The following STRN4 variants were observed in gnomAD, a reference collection of about 807,000 sequenced individuals.
STRN4 encodes the protein striatin-4.
A neutral mutation model predicts 77.9 loss-of-function variants in STRN4; 27 were observed. The observed-to-expected ratio is 0.35, with a 90% CI of 0.26 to 0.48. The LOEUF is 0.48. Among genes scored for constraint, STRN4 ranks in the 20% least tolerant of loss-of-function variants. The pLI is 0.99. For missense variants in STRN4, 798 were observed against 1,049.7 expected, an observed-to-expected ratio of 0.76 and a Z score of 3.31; for synonymous variants, 466 against 443.1, an observed-to-expected ratio of 1.05 and a Z score of -0.65.
rs1486730613 is a variant in STRN4 at position 46,736,767 on chromosome 19, A to C, written c.539+56T>G. On this transcript the variant is annotated intron_variant, in intron 4 of 17. Transcript: ENST00000263280. ...AAAGGACTGTGGAGTCTTTGGACTT[A>C]TCTCTCAAGCCAAACGTGTCACGTG... 1.9e-5 allele frequency: 30 copies of C among 1,560,848 alleles called. No individual in the cohort carries two copies. The South Asian group carries it at 3.0e-4, about 16-fold the overall frequency.
Position 46,725,459 on chromosome 19 carries a change from C to A in STRN4, c.1424+14G>T. On this transcript the variant is annotated intron_variant, in intron 10 of 17. Coordinates refer to ENST00000263280, the MANE Select transcript of STRN4 (RefSeq NM_013403.3). ...AGATGCCCCTGCCCCCGGCTCTGAG[C>A]TTGCTGCCCTCACTTCTTGGCCGTG... 1 of 1,613,808 alleles carries A rather than the reference C, an allele frequency of 6.2e-7. No individual in the cohort carries two copies. The highest frequency in any genetic ancestry group is 8.5e-7 in the Non-Finnish European group (1 of 1,179,882).
Position 46,730,725 on chromosome 19 carries a change from G to A in STRN4, c.879+7C>T, listed in dbSNP as rs1352469910. 5 of 1,611,208 alleles carry A rather than the reference G, an allele frequency of 3.1e-6. No homozygotes were observed. The highest frequency in any genetic ancestry group is 8.5e-7 in the Non-Finnish European group (1 of 1,179,938). On this transcript the variant is annotated splice_region_variant and intron_variant, in intron 6 of 17. Transcript: ENST00000263280. ...CAGGCTGTGCAGGGCATGGAGGAAGGGCTCACCTTCACACGCTGCTTCTTG... is the reference window on the plus strand; with the variant it reads ...CAGGCTGTGCAGGGCATGGAGGAAGAGCTCACCTTCACACGCTGCTTCTTG...
intron 5 of STRN4, chr19:46,732,587 G>A (rs1045828041): frequency 6.1e-6 from 1 of 162,956 alleles, no homozygotes. Context: ...CCCTGCAGAG[G>A]AGCACATATT....
intron 17 of STRN4, 66 bp downstream of exon 17, chr19:46,720,470 T>C: frequency 8.8e-7 from 1 of 1,136,768 alleles, no homozygotes; most frequent in Non-Finnish European, 1.2e-6. Context: ...ACTGCGGGGC[T>C]CAGCACACCT....
At position 46,719,685 on chromosome 19, in the gene STRN4, A is replaced by C. The variant is rs1237353564; in HGVS notation, c.*720T>G. 1 of 152,290 alleles carries C rather than the reference A, an allele frequency of 6.6e-6. No homozygotes were observed. The highest frequency in any genetic ancestry group is 1.5e-5 in the Non-Finnish European group (1 of 67,980). 9.4% of individuals were successfully genotyped at this position (152,290 alleles called of 1,614,324 possible). ...AGGGAGGAGACTGACTGAGACCATC[A>C]CACAGTGATAATGCGGGTGGGGCGG... On this transcript the variant is annotated 3_prime_UTR_variant, in exon 18 of 18. Coordinates refer to ENST00000263280, the MANE Select transcript of STRN4 (RefSeq NM_013403.3).
At chr19:46,727,407 C>T (rs749979686) in intron 9 of STRN4, 45 bp downstream of exon 9, 10 of 1,534,284 alleles carry the variant, frequency 6.5e-6, no homozygotes, top group South Asian at 2.3e-5. Context: ...TGGCCCTGGG[C>T]GCAATGCCAA....
chr19:46,732,957 C>T (rs1424668577), intron 5 of STRN4, 82 bp downstream of exon 5: 11 of 1,502,270 alleles, frequency 7.3e-6, no homozygotes, highest in Admixed American at 2.0e-5. Flanking sequence ...GCACCCAGCG[C>T]CATCAGCTGA....
chr19:46,734,700 T>C (rs1480239295), intron 4 of STRN4, among the ~76,000 whole-genome samples: 1 of 152,220 alleles, frequency 6.6e-6, no homozygotes, highest in African/African-American at 2.4e-5. Context: ...ACTCTTGCTC[T>C]GTCGCCCAGG....
rs375679721 is a variant in STRN4 at position 46,733,024 on chromosome 19, T to C, written c.737+15A>G. ...GAGGAACAGAGAGACACACCTGCCA[T>C]GTCCACGGGCTCACCTCTTTATCTG... On this transcript the variant is annotated intron_variant, in intron 5 of 17. Transcript: ENST00000263280. The surrounding 1 kb of genome is among the most constrained non-coding windows in gnomAD (Gnocchi z 4.3). 1.7e-5 allele frequency: 27 copies of C among 1,600,062 alleles called. No homozygotes were observed. In the Middle Eastern group the frequency reaches 5.0e-4, roughly 29 times the overall value.
rs186271289 is a variant in STRN4 at position 46,725,787 on chromosome 19, C to T, written c.1249-139G>A. 6.6e-5 allele frequency: 72 copies of T among 1,096,164 alleles called. No homozygotes were observed. In the East Asian group the frequency reaches 1.4e-3, roughly 22 times the overall value. The allele number at this position is 1,096,164 out of a possible 1,614,324, so 67.9% of individuals were successfully genotyped here. On this transcript the variant is annotated intron_variant, in intron 9 of 17. Coordinates refer to ENST00000263280, the MANE Select transcript of STRN4 (RefSeq NM_013403.3). ...ATGCCCTCAGAGCCTGGGCTCCAGC[C>T]GGGAACTCTCCCCTTCCTCTGCTGG...
At position 46,746,239 on chromosome 19, in the gene STRN4, G is replaced by A. The variant is rs2054605307; in HGVS notation, c.192C>T (p.Ser64=). The A allele has an allele frequency of 6.6e-7, 1 of 1,511,570 alleles. No homozygotes were observed. The highest frequency in any genetic ancestry group is 8.8e-7 in the Non-Finnish European group (1 of 1,138,346). 93.6% of individuals were successfully genotyped at this position (1,511,570 alleles called of 1,614,324 possible). A position where few individuals can be genotyped will look rare whatever the true frequency, so the allele number is the denominator to read the frequency against. The change falls in exon 1 of 18, where the codon AGC becomes AGT. Residue 64 remains serine (S), a synonymous_variant. Transcript: ENST00000263280. Reference sequence around the variant, plus strand: ...GGATAAAGTGCAGGATCCCCGGCAGGCTCAGGGGCTCCGGGCCCGCCGTGG... The same window carrying A: ...GGATAAAGTGCAGGATCCCCGGCAGACTCAGGGGCTCCGGGCCCGCCGTGG... ...PGPTAGPEPL[S]LPGILHFIQH...
At chr19:46,727,392 G>T in intron 9 of STRN4, 60 bp downstream of exon 9, 1 of 1,450,942 alleles carries the variant, frequency 6.9e-7, no homozygotes, top group East Asian at 2.4e-5. Context: ...AGAGCTTGCA[G>T]GGGCTGGCCC....
intron 4 of STRN4, among the ~76,000 whole-genome samples, chr19:46,734,323 G>C (rs148290012): frequency 1.3e-5 from 2 of 152,334 alleles, no homozygotes; most frequent in African/African-American, 2.4e-5. Context: ...TGCCAGGCAC[G>C]TAATAGGTAC....
chr19:46,730,304 G>A (rs2054218580), intron 6 of STRN4, among the ~76,000 whole-genome samples: 1 of 152,168 alleles, frequency 6.6e-6, no homozygotes, highest in South Asian at 2.1e-4. Flanking sequence ...GAGAGGTCAG[G>A]AGGAATACAG....
At chr19:46,732,861 G>C (rs964708347) in intron 5 of STRN4, among the ~76,000 whole-genome samples, 178 bp downstream of exon 5, 1 of 152,216 alleles carries the variant, frequency 6.6e-6, no homozygotes, top group African/African-American at 2.4e-5. Context: ...ACCCAGGACA[G>C]AATCCGGGGG....
Position 46,723,069 on chromosome 19 carries a change from A to C in STRN4, c.1765+45T>G, listed in dbSNP as rs2054018449. On this transcript the variant is annotated intron_variant, in intron 13 of 17. Coordinates refer to ENST00000263280, the MANE Select transcript of STRN4 (RefSeq NM_013403.3). This position sits in a 1 kb window ranked among gnomAD's most constrained non-coding sequence, Gnocchi z 5.5. ...AGCAGGAACCACTCTGATAGCCTCC[A>C]GATCCCGCACAGCTCCAGGGTGAGG... The C allele has an allele frequency of 1.3e-6, 2 of 1,563,434 alleles. No individual in the cohort carries two copies. The highest frequency in any genetic ancestry group is 2.7e-5 in the African/African-American group (2 of 73,668).
intron 1 of STRN4, among the ~76,000 whole-genome samples, chr19:46,739,685 C>T (rs556578661): frequency 9.8e-5 from 15 of 152,304 alleles, no homozygotes; most frequent in Non-Finnish European, 1.8e-4. Context: ...AGCACCCCAC[C>T]GTTCCAGCCC....
chr19:46,727,593 C>T, intron 8 of STRN4, 47 bp from the exon 9 acceptor site: 1 of 1,485,342 alleles, frequency 6.7e-7, no homozygotes, highest in Non-Finnish European at 9.4e-7. Flanking sequence ...GAGGGAGGGG[C>T]AGAGAGGGCC....
chr19:46,721,836 G>T, intron 16 of STRN4, 150 bp downstream of exon 16: 1 of 748,664 alleles, frequency 1.3e-6, no homozygotes, highest in South Asian at 1.7e-5. Context: ...GGACTGTGCT[G>T]CCCCCTATGG....
Sources: gnomAD v4.1 joint callset for allele counts (sites outside exome capture counted in the v4.1 genomes callset) on GRCh38, gnomAD v4.1.1 for gene constraint, Gnocchi (gnomAD v3.1) non-coding constraint, MANE v1.5 for transcripts, NCBI Gene and HGNC (gene_info 2026-07-23, HGNC 2026-07-21) for gene names.